Variants in KIF5C observed in about 807,000 individuals in gnomAD.
The protein encoded by KIF5C is kinesin heavy chain isoform 5C.
In KIF5C, 18 loss-of-function variants were observed where a neutral mutation model predicts 125.2. The ratio of observed to expected loss-of-function variants is 0.14; its 90% CI spans 0.10 to 0.21. The LOEUF (loss-of-function observed/expected upper bound fraction) is 0.21, where lower values mean the gene tolerates loss of function less well. Among genes scored for constraint, KIF5C ranks in the 10% least tolerant of loss-of-function variants. The pLI is 1.00. For missense variants in KIF5C, 780 were observed against 1,183.8 expected (o/e 0.66, Z 5.01); for synonymous variants, 405 against 434.0 (o/e 0.93, Z 0.83).
At chr2:148,983,293 A>G (rs1574812207) in intron 14 of KIF5C, among the ~76,000 whole-genome samples, 2 of 152,356 alleles carry the variant, frequency 1.3e-5, no homozygotes, top group East Asian at 3.9e-4. Flanking sequence ...TAGGACTGAC[A>G]TAGAATATCT....
chr2:148,978,802 A>G, intron 12 of KIF5C, 120 bp from the exon 13 acceptor site: 1 of 1,321,726 alleles, frequency 7.6e-7, no homozygotes, highest in Non-Finnish European at 9.9e-7. Flanking sequence ...TCTGTGCAGT[A>G]ACACCACACT....
chr2:148,904,136 A>G (rs945125183), intron 1 of KIF5C, among the ~76,000 whole-genome samples: 3 of 152,368 alleles, frequency 2.0e-5, no homozygotes, highest in African/African-American at 7.2e-5. Context: ...ATTAGAGGAC[A>G]CCAGTAATTA....
intron 19 of KIF5C, 71 bp from the exon 20 acceptor site, chr2:149,000,352 C>T (rs1347480533): frequency 6.6e-7 from 1 of 1,520,426 alleles, no homozygotes; most frequent in African/African-American, 1.4e-5. Flanking sequence ...GGAACAGAAC[C>T]ACGGTTTTAG....
rs930134328 is a variant in KIF5C at position 148,924,671 on chromosome 2, C to T, written c.217+2444C>T. ...CAGTAAATGGGAAGGCTCCTTTGGA[C>T]GCCTAGGAATTAAACACCATGGTAA... On this transcript the variant is annotated intron_variant, in intron 2 of 25. Transcript: ENST00000435030. The surrounding 1 kb of genome is among the most constrained non-coding windows in gnomAD (Gnocchi z 4.0). 2.7e-4 allele frequency among the ~76,000 whole-genome samples: 41 copies of T among 152,088 alleles called. No individual in the cohort carries two copies. The highest frequency in any genetic ancestry group is 8.9e-4 in the African/African-American group (37 of 41,398).
In KIF5C at chr2:148,962,030, A is replaced by C. The variant is rs1411919628; in HGVS notation, c.1028A>C (p.Lys343Thr). The change falls in exon 11 of 26, where the codon AAG becomes ACG. Residue 343 changes from lysine (K) to threonine (T), a missense_variant. Around this residue, in one of 2 missense-constraint regions of KIF5C, gnomAD observed 207 missense variants for 441.2 expected, o/e 0.47. Transcript: ENST00000435030. ...CTAGAACTGACAGCAGAAGAATGGA[A>C]GAAGAAATATGAAAAAGAGAAAGAG... ...VNLELTAEEW[K>T]KKYEKEKEKN... 1 of 1,613,910 alleles carries C rather than the reference A, an allele frequency of 6.2e-7. No individual in the cohort carries two copies. The highest frequency in any genetic ancestry group is 8.5e-7 in the Non-Finnish European group (1 of 1,179,894).
At chr2:148,955,401 A>G (rs1682769266) in intron 10 of KIF5C, among the ~76,000 whole-genome samples, 1 of 152,134 alleles carries the variant, frequency 6.6e-6, no homozygotes, top group African/African-American at 2.4e-5. Context: ...AGCATCATCC[A>G]CTCAGTTAAA....
chr2:148,957,346 T>G (rs1386362659), intron 10 of KIF5C, among the ~76,000 whole-genome samples: 1 of 152,016 alleles, frequency 6.6e-6, no homozygotes, highest in Non-Finnish European at 1.5e-5. Context: ...CTTTTTTTCC[T>G]CTGAAATCAG....
chr2:148,927,870 C>G (rs181029308), intron 2 of KIF5C, among the ~76,000 whole-genome samples: 12 of 152,102 alleles, frequency 7.9e-5, no homozygotes, highest in Admixed American at 1.3e-4. Context: ...TGAACATTCT[C>G]TCTCCCTCCT....
intron 22 of KIF5C, 49 bp downstream of exon 22, chr2:149,005,513 A>T (rs1574831963): frequency 6.2e-7 from 1 of 1,601,028 alleles, no homozygotes; most frequent in South Asian, 1.1e-5. Flanking sequence ...CAAAGATGGC[A>T]GGGAAGAATC....
Position 149,018,617 on chromosome 2 carries a change from C to T in KIF5C, c.*8-4461C>T, listed in dbSNP as rs528597883. Among the ~76,000 whole-genome samples the T allele has an allele frequency of 7.0e-4, 106 of 152,214 alleles. 1 individual carries two copies. The highest frequency in any genetic ancestry group is 2.5e-3 in the African/African-American group (104 of 41,534). The stretch of plus-strand genomic sequence containing the variant: ...GCCAAGGCAGGAGGATCACTTGAGG[C>T]CAGGCGTTTGAAACCAGCCTTAGCG... On this transcript the variant is annotated intron_variant, in intron 25 of 25. Coordinates refer to ENST00000435030, the MANE Select transcript of KIF5C (RefSeq NM_004522.3).
rs533887002 is a variant in KIF5C, at chr2:148,947,586, C to A, written c.714+563C>A. ...GCCTGTAATCAGCCTCAGCGGCAAGCCTTTACTGTTCTCTGGTTTTGTCCG... is the reference window on the plus strand; with the variant it reads ...GCCTGTAATCAGCCTCAGCGGCAAGACTTTACTGTTCTCTGGTTTTGTCCG... On this transcript the variant is annotated intron_variant, in intron 8 of 25. Coordinates refer to ENST00000435030, the MANE Select transcript of KIF5C (RefSeq NM_004522.3). The A allele has an allele frequency of 2.6e-5, 7 of 265,566 alleles. No homozygotes were observed. In the East Asian group the frequency reaches 4.1e-4, roughly 16 times the overall value. 16.5% of individuals were successfully genotyped at this position (265,566 alleles called of 1,614,324 possible).
At chr2:148,917,962 G>T (rs1435054406) in intron 1 of KIF5C, among the ~76,000 whole-genome samples, 1 of 152,130 alleles carries the variant, frequency 6.6e-6, no homozygotes, top group East Asian at 1.9e-4. Context: ...AAACGTTTAT[G>T]TGAATCTTTT....
rs1005962181 is a variant in KIF5C at position 148,996,763 on chromosome 2, G to C, written c.2024-501G>C. On this transcript the variant is annotated intron_variant, in intron 17 of 25. Coordinates refer to ENST00000435030, the MANE Select transcript of KIF5C (RefSeq NM_004522.3). ...CCCGTGTTCCCATCCTGGAAACAGA[G>C]TATGTTTTCCTGCCCCAGATTCTTA... Among the ~76,000 whole-genome samples the C allele has an allele frequency of 4.6e-5, 7 of 152,222 alleles. No individual in the cohort carries two copies. The East Asian group carries it at 1.3e-3, about 29-fold the overall frequency.
chr2:148,997,165 CT>C, intron 17 of KIF5C, 98 bp from the exon 18 acceptor site: 1 of 1,491,806 alleles, frequency 6.7e-7, no homozygotes, highest in East Asian at 2.5e-5. Context: ...TGATGTTTCA[CT>C]CTGTTGCCAT....
chr2:149,008,085 G>A lies in KIF5C; in HGVS notation c.2550+18G>A, dbSNP rs201991169. 672 of 1,595,576 alleles carry A rather than the reference G, an allele frequency of 4.2e-4. No individual in the cohort carries two copies. The highest frequency in any genetic ancestry group is 5.6e-4 in the Non-Finnish European group (653 of 1,168,534). ...ACAAGCAGGTAGGAGAGTTCTGCCC[G>A]CTCCCCTCTGATTCCCTCCTCTCTC... On this transcript the variant is annotated intron_variant, in intron 23 of 25. Transcript: ENST00000435030.
rs1682207300 is a variant in KIF5C at position 149,011,716 on chromosome 2, T to A, written c.*7+33T>A. 2.5e-6 allele frequency: 4 copies of A among 1,613,418 alleles called. No homozygotes were observed. The African/African-American group carries it at 5.3e-5, about 21-fold the overall frequency. ...CCATGTCAAGGGTGGTTTCTCTATCTGGAGGCAGAGGCTTCTTGCCTTTCC... is the reference window on the plus strand; with the variant it reads ...CCATGTCAAGGGTGGTTTCTCTATCAGGAGGCAGAGGCTTCTTGCCTTTCC... On this transcript the variant is annotated intron_variant, in intron 25 of 25. Coordinates refer to ENST00000435030, the MANE Select transcript of KIF5C (RefSeq NM_004522.3).
chr2:149,006,548 G>A (rs890804009), intron 22 of KIF5C, among the ~76,000 whole-genome samples: 2 of 152,208 alleles, frequency 1.3e-5, no homozygotes, highest in Non-Finnish European at 2.9e-5. Context: ...CAAGGTAGGG[G>A]ATGTGCTATG....
rs1243719851 is a variant in KIF5C, at chr2:148,955,419, A to G, written c.968+4957A>G. 2.0e-5 allele frequency among the ~76,000 whole-genome samples: 3 copies of G among 152,162 alleles called. No homozygotes were observed. The East Asian group carries it at 5.8e-4, about 29-fold the overall frequency. ...ATCATCCACTCAGTTAAAGGCCTTA[A>G]GAGCTAAAATGGAGGTTTCATGGAG... is the stretch of plus-strand genomic sequence containing the variant. On this transcript the variant is annotated intron_variant, in intron 10 of 25. Transcript: ENST00000435030.
chr2:149,000,630 T>C, intron 20 of KIF5C, 92 bp from the exon 21 acceptor site: 10 of 1,587,684 alleles, frequency 6.3e-6, no homozygotes, highest in Non-Finnish European at 8.6e-6. Context: ...TGCTTGTTGG[T>C]GGGTTTTGTT....
Sources: gnomAD v4.1 joint callset for allele counts (sites outside exome capture counted in the v4.1 genomes callset) on GRCh38, gnomAD v4.1.1 for gene constraint, gnomAD v4.1.1 regional missense constraint, Gnocchi (gnomAD v3.1) non-coding constraint, MANE v1.5 for transcripts, NCBI Gene and HGNC (gene_info 2026-07-23, HGNC 2026-07-21) for gene names.